GALNT13: variants seen among roughly 807,000 people sequenced by gnomAD.
GALNT13 encodes the protein polypeptide N-acetylgalactosaminyltransferase 13, also known as UDP-GalNAc:polypeptide N-acetylgalactosaminyltransferase 13.
A neutral mutation model predicts 64.2 loss-of-function variants in GALNT13; 28 were observed. The ratio of observed to expected loss-of-function variants is 0.44; its 90% CI spans 0.32 to 0.60. GALNT13 has a LOEUF of 0.60. GALNT13 is among the 20% of genes least tolerant of loss of function. The pLI is 0.05. For missense variants in GALNT13, 577 were observed against 669.8 expected (o/e 0.86, Z 1.53); for synonymous variants, 214 against 224.6 (o/e 0.95, Z 0.42).
At chr2:153,975,384 C>T (rs1694011310) in intron 3 of GALNT13, among the ~76,000 whole-genome samples, 1 of 152,082 alleles carries the variant, frequency 6.6e-6, no homozygotes, top group Non-Finnish European at 1.5e-5. Context: ...TACTGACTTA[C>T]ATGGTCTGGC....
chr2:153,670,843 C>T, the GALNT13 span, among the ~76,000 whole-genome samples: 57,835 of 152,032 alleles, frequency 0.38, 13,323 homozygotes, highest in Middle Eastern at 0.53. Flanking sequence ...ATAACCAGTG[C>T]AGAGAAGAGC....
At chr2:153,311,493 G>A in the GALNT13 span, among the ~76,000 whole-genome samples, 1 of 152,176 alleles carries the variant, frequency 6.6e-6, no homozygotes, top group Admixed American at 6.5e-5. Flanking sequence ...TCAGGAACAC[G>A]GGAACAGTTT....
intron 3 of GALNT13, among the ~76,000 whole-genome samples, chr2:154,008,534 G>A (rs935717132): frequency 1.3e-5 from 2 of 151,908 alleles, no homozygotes; most frequent in Non-Finnish European, 2.9e-5. Flanking sequence ...AATCACCCAG[G>A]TAATAAGCAT....
rs895877721 is a variant in GALNT13, at chr2:154,140,523, A to G, written c.311+18A>G. ...TTAGAAGGGTAAGTTTGCATTTGTT[A>G]TATAATCTTTTATATTCATAATCAC... On this transcript the variant is annotated intron_variant, in intron 4 of 12. Coordinates refer to ENST00000392825, the MANE Select transcript of GALNT13 (RefSeq NM_052917.4). 3 of 1,548,608 alleles carry G rather than the reference A, an allele frequency of 1.9e-6. No individual in the cohort carries two copies. The highest frequency in any genetic ancestry group is 2.7e-6 in the Non-Finnish European group (3 of 1,128,322).
At chr2:153,420,807 GA>G in the GALNT13 span, 6 of 232,984 alleles carry the variant, frequency 2.6e-5, no homozygotes, top group Non-Finnish European at 5.7e-5. Flanking sequence ...GTGAACAAAG[GA>G]ACAGTTGGCA....
the GALNT13 span, among the ~76,000 whole-genome samples, chr2:153,577,117 T>A: frequency 3.9e-5 from 6 of 152,104 alleles, no homozygotes; most frequent in East Asian, 1.2e-3. Context: ...GTAGACCAAG[T>A]TTCTAAAGAG....
At chr2:154,161,090 A>G (rs1684700177) in intron 4 of GALNT13, among the ~76,000 whole-genome samples, 1 of 152,182 alleles carries the variant, frequency 6.6e-6, no homozygotes, top group South Asian at 2.1e-4. Flanking sequence ...CTCTGACTCC[A>G]AAGTTTTACT....
At chr2:154,299,357 C>T (rs1266198566) in intron 8 of GALNT13, among the ~76,000 whole-genome samples, 4 of 151,584 alleles carry the variant, frequency 2.6e-5, no homozygotes, top group South Asian at 4.2e-4. Context: ...TAACTGCCTC[C>T]ATTTTAACAG....
At chr2:154,443,662 G>A (rs535477881) in intron 12 of GALNT13, among the ~76,000 whole-genome samples, 1 of 151,702 alleles carries the variant, frequency 6.6e-6, no homozygotes, top group Non-Finnish European at 1.5e-5. Context: ...CAATATTAAT[G>A]GCTCTTATTT....
chr2:154,068,915 A>T (rs1244499766), intron 3 of GALNT13, among the ~76,000 whole-genome samples: 1 of 152,048 alleles, frequency 6.6e-6, no homozygotes, highest in Non-Finnish European at 1.5e-5. Context: ...ATCAGATTGT[A>T]ATACAAAGAA....
the GALNT13 span, among the ~76,000 whole-genome samples, chr2:153,093,236 CTTTTCTT>C: frequency 8.9e-3 from 1,147 of 129,002 alleles, 22 homozygotes; most frequent in African/African-American, 0.029. Context: ...TTTTTCTTTT[CTTTTCTT>C]TTTTTTTTTT....
the GALNT13 span, among the ~76,000 whole-genome samples, chr2:153,219,474 C>T: frequency 6.6e-6 from 1 of 152,152 alleles, no homozygotes. Flanking sequence ...CCATTATTTC[C>T]CAGAAGAGCA....
At chr2:154,124,181 C>T (rs1398515819) in intron 3 of GALNT13, among the ~76,000 whole-genome samples, 2 of 151,794 alleles carry the variant, frequency 1.3e-5, no homozygotes, top group Admixed American at 1.3e-4. Flanking sequence ...GAGATTTAAT[C>T]ATTCAGATGA....
the GALNT13 span, among the ~76,000 whole-genome samples, chr2:153,587,817 A>G: frequency 1.3e-5 from 2 of 152,344 alleles, no homozygotes; most frequent in South Asian, 4.1e-4. Flanking sequence ...TCAAAAGTCC[A>G]CAGTCCAAAG....
chr2:153,107,263 T>G, the GALNT13 span, among the ~76,000 whole-genome samples: 1 of 152,140 alleles, frequency 6.6e-6, no homozygotes, highest in Non-Finnish European at 1.5e-5. Context: ...AATGTCCAGT[T>G]GAACAATCAG....
the GALNT13 span, among the ~76,000 whole-genome samples, chr2:153,080,698 G>A: frequency 6.6e-6 from 1 of 151,962 alleles, no homozygotes; most frequent in East Asian, 1.9e-4. Flanking sequence ...ATCTTTCTTG[G>A]ATTAGGAGAG....
At chr2:153,239,240 G>A in the GALNT13 span, among the ~76,000 whole-genome samples, 10 of 152,060 alleles carry the variant, frequency 6.6e-5, no homozygotes, top group Middle Eastern at 3.4e-3. Context: ...TCTTGTTGGC[G>A]TTTTTAGTTT....
intron 2 of GALNT13, among the ~76,000 whole-genome samples, chr2:153,922,370 A>C (rs1689817133): frequency 6.6e-6 from 1 of 152,228 alleles, no homozygotes. Flanking sequence ...AAAATATTAT[A>C]ATCATTCAGC....
chr2:154,109,749 C>A (rs1702829116), intron 3 of GALNT13, among the ~76,000 whole-genome samples: 3 of 151,768 alleles, frequency 2.0e-5, no homozygotes, highest in Non-Finnish European at 4.4e-5. Flanking sequence ...GGTTTTTGTT[C>A]TTTATTCTGT....
Sources: allele counts gnomAD v4.1 joint callset (sites outside exome capture counted in the v4.1 genomes callset), GRCh38; gene constraint gnomAD v4.1.1; transcripts MANE v1.5; gene names NCBI Gene and HGNC (gene_info 2026-07-23, HGNC 2026-07-21).